TESK2: variants seen among roughly 807,000 people sequenced by gnomAD.
TESK2 encodes dual specificity testis-specific protein kinase 2.
Under a neutral mutation model 57.1 loss-of-function variants are expected in TESK2, and 39 were observed. The ratio of observed to expected loss-of-function variants is 0.68; its 90% confidence interval spans 0.53 to 0.89. TESK2 has a LOEUF of 0.89. Ranked by LOEUF, TESK2 falls within the 40% of genes least tolerant of loss-of-function variation. The probability of loss-of-function intolerance (pLI) is 0.00; values close to 1 mark genes in which losing one functional copy is unlikely to be tolerated. For missense variants in TESK2, 646 were observed against 732.1 expected (o/e 0.88, Z 1.36); for synonymous variants, 249 against 267.9 (o/e 0.93, Z 0.69).
In TESK2 at chr1:45,345,224, C is replaced by T; in HGVS notation, c.1332G>A (p.Gln444=). 1.9e-6 allele frequency: 3 copies of T among 1,614,216 alleles called. No homozygotes were observed. Among genetic ancestry groups the T allele is most frequent in the Non-Finnish European group, 2.5e-6 (3 of 1,180,028 alleles). ...GPGTMPLADW[Q]EPLAPPIRRW... ...GGCGAATAGGTGGGGCCAGGGGCTC[C>T]TGCCAGTCAGCCAGGGGCATAGTTC... Residue 444 remains glutamine, a synonymous_variant, in exon 11 of 11, where the codon CAG becomes CAA. Transcript: ENST00000372086.
chr1:45,411,395 A>C (rs1032433551), intron 3 of TESK2, among the ~76,000 whole-genome samples: 2 of 152,100 alleles, frequency 1.3e-5, no homozygotes, highest in Non-Finnish European at 2.9e-5. Flanking sequence ...CAGGCATTTG[A>C]TTCTCATAAG....
intron 10 of TESK2, 105 bp from the exon 11 acceptor site, chr1:45,345,663 C>T (rs1271919157): frequency 1.8e-6 from 2 of 1,112,786 alleles, no homozygotes; most frequent in East Asian, 2.4e-5. Flanking sequence ...GATACCATGG[C>T]CCTGTTTTAC....
chr1:45,487,837 T>TA (rs766217763), intron 1 of TESK2, among the ~76,000 whole-genome samples: 3 of 152,190 alleles, frequency 2.0e-5, no homozygotes, highest in Non-Finnish European at 4.4e-5. Context: ...GAAGAAAGTG[T>TA]AAAATCCATG....
chr1:45,384,593 ATT>A (rs59988269), intron 4 of TESK2, among the ~76,000 whole-genome samples: 13 of 70,884 alleles, frequency 1.8e-4, no homozygotes, highest in Admixed American at 8.6e-4. Context: ...CTAATTATTA[ATT>A]TTTTTTTTTT....
chr1:45,450,732 A>G (rs751342504), intron 2 of TESK2, among the ~76,000 whole-genome samples: 8 of 152,008 alleles, frequency 5.3e-5, no homozygotes, highest in Non-Finnish European at 1.0e-4. Flanking sequence ...AAAGACTGAT[A>G]TGTTTATTTT....
intron 1 of TESK2, among the ~76,000 whole-genome samples, chr1:45,490,253 A>G (rs902973010): frequency 6.6e-5 from 10 of 152,234 alleles, no homozygotes; most frequent in African/African-American, 2.4e-4. Flanking sequence ...AAGACTTTTA[A>G]ATTACGCAAA....
intron 5 of TESK2, among the ~76,000 whole-genome samples, chr1:45,352,383 G>A (rs1001919764): frequency 4.6e-5 from 7 of 152,156 alleles, no homozygotes; most frequent in Non-Finnish European, 7.4e-5. Flanking sequence ...AAAAGCAAAG[G>A]GTAGTGGTCT....
At chr1:45,372,838 C>T (rs1648250744) in intron 4 of TESK2, among the ~76,000 whole-genome samples, 1 of 151,298 alleles carries the variant, frequency 6.6e-6, no homozygotes, top group African/African-American at 2.4e-5. Flanking sequence ...TCGAGACCAG[C>T]CTCAACATGG....
At chr1:45,372,926 G>T (rs1648256176) in intron 4 of TESK2, among the ~76,000 whole-genome samples, 1 of 151,246 alleles carries the variant, frequency 6.6e-6, no homozygotes, top group African/African-American at 2.4e-5. Context: ...TACTTGGGAG[G>T]CTGAGGCAGG....
At chr1:45,394,666 C>T (rs1189982836) in intron 3 of TESK2, among the ~76,000 whole-genome samples, 2 of 143,988 alleles carry the variant, frequency 1.4e-5, no homozygotes, top group Non-Finnish European at 3.0e-5. Context: ...GATAGTAAGA[C>T]CAACAGGAAA....
rs369409147 is a variant in TESK2, at chr1:45,433,178, G to A, written c.223-11332C>T. Reference sequence around the variant, plus strand: ...CAACCTCCACCTCCTGGGTTCAAGCGATTCTTGTACCTCAGCCTCCCAAGT... The same window carrying A: ...CAACCTCCACCTCCTGGGTTCAAGCAATTCTTGTACCTCAGCCTCCCAAGT... On this transcript the variant is annotated intron_variant, in intron 2 of 10. Transcript: ENST00000372086. Among the ~76,000 whole-genome samples, 7 of 137,588 alleles carry A rather than the reference G, an allele frequency of 5.1e-5. No individual in the cohort carries two copies. The South Asian group carries it at 1.4e-3, about 28-fold the overall frequency. 90.3% of individuals were successfully genotyped at this position (137,588 alleles called of 152,430 possible).
At position 45,376,213 on chromosome 1, in the gene TESK2, CTTTT is replaced by C. The variant is rs71052869; in HGVS notation, c.393+9695_393+9698del. ...TGAGATGTGACATTTCTTTCTCTCT[CTTTT>C]TTTTTTTTTTTTTTTTTTGAGACAG... On this transcript the variant is annotated intron_variant, in intron 4 of 10. Transcript: ENST00000372086. Among the ~76,000 whole-genome samples, 411 of 80,728 alleles carry C rather than the reference CTTTT, an allele frequency of 5.1e-3. 2 individuals are homozygous for C. The highest frequency in any genetic ancestry group is 0.019 in the African/African-American group (393 of 20,880). The allele number at this position is 80,728 out of a possible 152,430, so 53.0% of individuals were successfully genotyped here. A position where few individuals can be genotyped will look rare whatever the true frequency, so the allele number is the denominator to read the frequency against.
At chr1:45,414,108 T>C (rs1220777112) in intron 3 of TESK2, among the ~76,000 whole-genome samples, 2 of 152,226 alleles carry the variant, frequency 1.3e-5, no homozygotes. Flanking sequence ...AATACTCGTC[T>C]GGGTAACAAA....
intron 3 of TESK2, chr1:45,413,933 A>C (rs945745985): frequency 2.4e-6 from 1 of 423,010 alleles, no homozygotes; most frequent in Non-Finnish European, 4.7e-6. Context: ...ACTAACAAAT[A>C]GTAACCAAAA....
At chr1:45,370,778 G>T (rs1324643121) in intron 4 of TESK2, among the ~76,000 whole-genome samples, 1 of 152,156 alleles carries the variant, frequency 6.6e-6, no homozygotes, top group African/African-American at 2.4e-5. Context: ...GTTGAGACAG[G>T]AATAGAGAGG....
Position 45,457,832 on chromosome 1 carries a change from A to G in TESK2, c.-47T>C. On this transcript the variant is annotated 5_prime_UTR_variant, in exon 2 of 11. An upstream start codon of the reference 5' UTR is lost. Transcript: ENST00000372086. Reference sequence around the variant, plus strand: ...CTTCTTTTAAGAAGGAACTCCACACATAAATTTTTGTTGAATTTTACTTCT... The same window carrying G: ...CTTCTTTTAAGAAGGAACTCCACACGTAAATTTTTGTTGAATTTTACTTCT... 3.9e-6 allele frequency: 6 copies of G among 1,550,942 alleles called. No homozygotes were observed. The highest frequency in any genetic ancestry group is 5.3e-6 in the Non-Finnish European group (6 of 1,131,752).
chr1:45,350,106 C>T (rs1338238557), intron 5 of TESK2, among the ~76,000 whole-genome samples: 1 of 152,162 alleles, frequency 6.6e-6, no homozygotes, highest in Non-Finnish European at 1.5e-5. Flanking sequence ...CACACCACTG[C>T]ACTCCAGCCT....
chr1:45,457,511 C>A (rs1043292563), intron 2 of TESK2, 53 bp downstream of exon 2: 9 of 1,515,952 alleles, frequency 5.9e-6, no homozygotes, highest in Non-Finnish European at 8.2e-6. Context: ...TATCAACCTG[C>A]AGTAAATGTG....
At chr1:45,347,582 T>A in intron 7 of TESK2, 27 bp downstream of exon 7, 1 of 1,596,008 alleles carries the variant, frequency 6.3e-7, no homozygotes, top group Non-Finnish European at 8.6e-7. Context: ...AAAAGGAGAA[T>A]CAGGCCTTGA....
Sources: gnomAD v4.1 joint callset for allele counts (sites outside exome capture counted in the v4.1 genomes callset) on GRCh38, gnomAD v4.1.1 for gene constraint, MANE v1.5 for transcripts, NCBI Gene and HGNC (gene_info 2026-07-23, HGNC 2026-07-21) for gene names.